The following MAP2K3 variants were observed in gnomAD, a reference collection of about 807,000 sequenced individuals.
MAP2K3 encodes dual specificity mitogen-activated protein kinase kinase 3.
In MAP2K3, 30 loss-of-function variants were observed where a neutral mutation model predicts 46.4. The observed-to-expected ratio is 0.65, with a 90% CI of 0.48 to 0.88. MAP2K3 has a LOEUF of 0.88. MAP2K3 is among the 40% of genes least tolerant of loss of function. MAP2K3 has a pLI of 0.00. For synonymous variants in MAP2K3, 189 were observed against 176.3 expected, an observed-to-expected ratio of 1.07 and a Z score of -0.57; for missense variants, 380 against 464.5, an observed-to-expected ratio of 0.82 and a Z score of 1.67.
intron 7 of MAP2K3, among the ~76,000 whole-genome samples, chr17:21,304,005 T>C (rs112587150): frequency 2.0e-3 from 298 of 152,252 alleles, no homozygotes; most frequent in African/African-American, 6.9e-3. Context: ...TGCTGGTCTG[T>C]GGGGACTCCA....
intron 1 of MAP2K3, among the ~76,000 whole-genome samples, chr17:21,286,991 G>A (rs1975740616): frequency 6.6e-6 from 1 of 152,182 alleles, no homozygotes; most frequent in African/African-American, 2.4e-5. Context: ...ATTCCTCATA[G>A]CCCCATTTAC....
At chr17:21,300,825 G>C in intron 4 of MAP2K3, 49 bp from the exon 5 acceptor site, 1 of 1,613,476 alleles carries the variant, frequency 6.2e-7, no homozygotes, top group African/African-American at 1.3e-5. Flanking sequence ...ATGAGTGTGG[G>C]TGTTGGCCTC....
intron 9 of MAP2K3, among the ~76,000 whole-genome samples, chr17:21,310,380 A>G (rs1205407455): frequency 6.6e-6 from 1 of 152,166 alleles, no homozygotes; most frequent in Non-Finnish European, 1.5e-5. Flanking sequence ...GCCACCATTC[A>G]GTCACCCTGT....
chr17:21,291,614 T>G, intron 1 of MAP2K3: 1 of 456,396 alleles, frequency 2.2e-6, no homozygotes. Flanking sequence ...TGCCCTGTCA[T>G]GGCCTCTTAA....
intron 1 of MAP2K3, among the ~76,000 whole-genome samples, chr17:21,293,078 G>A (rs1386736083): frequency 2.0e-5 from 3 of 152,310 alleles, no homozygotes; most frequent in African/African-American, 7.2e-5. Flanking sequence ...CACATAGTAG[G>A]TATTCACTAA....
intron 9 of MAP2K3, among the ~76,000 whole-genome samples, chr17:21,310,761 G>A (rs1249386810): frequency 6.6e-6 from 1 of 152,268 alleles, no homozygotes; most frequent in South Asian, 2.1e-4. Flanking sequence ...GGCCCCTGGC[G>A]CTGGACATTC....
intron 3 of MAP2K3, among the ~76,000 whole-genome samples, chr17:21,299,248 C>T (rs550847047): frequency 1.6e-4 from 24 of 152,420 alleles, no homozygotes; most frequent in East Asian, 3.8e-4. Context: ...GCTCCTAGGC[C>T]GCCCTGGACC....
intron 1 of MAP2K3, chr17:21,291,472 C>T (rs1395914293): frequency 8.8e-6 from 4 of 456,380 alleles, no homozygotes; most frequent in East Asian, 6.9e-5. Context: ...GTGCAGGTGG[C>T]TGGCAATGGC....
At chr17:21,302,784 T>C (rs2144596982) in intron 6 of MAP2K3, among the ~76,000 whole-genome samples, 1 of 152,430 alleles carries the variant, frequency 6.6e-6, no homozygotes, top group South Asian at 2.1e-4. Flanking sequence ...ACATTTACAA[T>C]ATACCCCTGC....
intron 10 of MAP2K3, among the ~76,000 whole-genome samples, 168 bp downstream of exon 10, chr17:21,312,449 C>T (rs370967626): frequency 6.6e-6 from 1 of 152,230 alleles, no homozygotes; most frequent in African/African-American, 2.4e-5. Context: ...TTTGACAAAA[C>T]GATGGTCTTG....
chr17:21,302,369 C>T (rs1976656945), intron 6 of MAP2K3, 110 bp downstream of exon 6: 1 of 1,225,102 alleles, frequency 8.2e-7, no homozygotes, highest in Admixed American at 1.8e-5. Context: ...CAGAGCTGGG[C>T]ATCAATGTGC....
chr17:21,303,874 C>T (rs1281448405), intron 7 of MAP2K3, among the ~76,000 whole-genome samples: 16 of 152,306 alleles, frequency 1.1e-4, no homozygotes, highest in Admixed American at 2.6e-4. Context: ...GCGGTTGGCA[C>T]GGAACCTTCT....
In MAP2K3 at chr17:21,284,778, A is replaced by AGTC. The variant is rs1975677461; in HGVS notation, c.-141_-139dup. On this transcript the variant is annotated 5_prime_UTR_variant, in exon 1 of 12. Coordinates refer to ENST00000342679, the MANE Select transcript of MAP2K3 (RefSeq NM_145109.3). ...CAGTCGCCGCCGCAGTCCTCGCCGC[A>AGTC]GTCGCCGCCGCCGCCGCCGCCGCCG... is the stretch of plus-strand genomic sequence containing the variant. 1.3e-5 allele frequency: 11 copies of AGTC among 869,604 alleles called. No homozygotes were observed. The highest frequency in any genetic ancestry group is 1.7e-5 in the Non-Finnish European group (10 of 600,672). The allele number at this position is 869,604 out of a possible 1,614,324, so 53.9% of individuals were successfully genotyped here.
At chr17:21,308,789 A>G (rs1165023913) in intron 9 of MAP2K3, among the ~76,000 whole-genome samples, 1 of 151,132 alleles carries the variant, frequency 6.6e-6, no homozygotes, top group Non-Finnish European at 1.5e-5. Context: ...CACACACCCT[A>G]TGTCCCTTCC....
chr17:21,302,388 C>A, intron 6 of MAP2K3, 129 bp downstream of exon 6: 2 of 1,021,636 alleles, frequency 2.0e-6, no homozygotes, highest in Admixed American at 1.9e-5. Context: ...GCCCCCTGAA[C>A]CTGGGCAGCT....
rs1306126136 is a variant in MAP2K3, at chr17:21,302,269, C to T, written c.516+10C>T. 2 of 781,474 alleles carry T rather than the reference C, an allele frequency of 2.6e-6. No homozygotes were observed. The highest frequency in any genetic ancestry group is 8.6e-5 in the East Asian group (2 of 23,130). The allele number at this position is 781,474 out of a possible 1,614,324, so 48.4% of individuals were successfully genotyped here. On this transcript the variant is annotated intron_variant, in intron 6 of 11. Transcript: ENST00000342679. ...GGAGATTGCTGTGTCTGTGAGTGGC[C>T]TGGGTGGGCTGGCGGGGGGTCCTAG... is the stretch of plus-strand genomic sequence containing the variant.
At chr17:21,298,732 C>A in intron 2 of MAP2K3, 146 bp from the exon 3 acceptor site, 4 of 1,242,938 alleles carry the variant, frequency 3.2e-6, no homozygotes, top group Non-Finnish European at 3.5e-6. Context: ...TGCTCAGCAG[C>A]CAGTGAGAGG....
At chr17:21,309,018 C>T (rs576545354) in intron 9 of MAP2K3, among the ~76,000 whole-genome samples, 3 of 152,430 alleles carry the variant, frequency 2.0e-5, no homozygotes, top group East Asian at 1.9e-4. Flanking sequence ...CTGGGCTCAG[C>T]TGGATGGCTC....
At chr17:21,304,217 C>G (rs1389699718) in intron 7 of MAP2K3, among the ~76,000 whole-genome samples, 1 of 152,312 alleles carries the variant, frequency 6.6e-6, no homozygotes, top group Non-Finnish European at 1.5e-5. Context: ...CCCTGAGGAC[C>G]AAGTATGACT....
Sources: allele counts gnomAD v4.1 joint callset (sites outside exome capture counted in the v4.1 genomes callset), GRCh38; gene constraint gnomAD v4.1.1; transcripts MANE v1.5; gene names NCBI Gene and HGNC (gene_info 2026-07-23, HGNC 2026-07-21).